KLHL1: variants seen among roughly 807,000 people sequenced by gnomAD.
KLHL1 encodes the protein kelch-like protein 1.
In KLHL1, 47 loss-of-function variants were observed where a neutral mutation model predicts 77.7. That is an observed-to-expected ratio of 0.60 (90% CI 0.48 to 0.77). KLHL1 has a LOEUF of 0.77. KLHL1 is among the 30% of genes least tolerant of loss of function. The pLI is 0.00. For synonymous variants in KLHL1, 360 were observed against 325.2 expected (o/e 1.11, Z -1.15); for missense variants, 925 against 910.8 (o/e 1.02, Z -0.20).
rs143058757 is a variant in KLHL1 at position 69,953,058 on chromosome 13, G to A, written c.817+8250C>T. Among the ~76,000 whole-genome samples, 98 of 151,414 alleles carry A rather than the reference G, an allele frequency of 6.5e-4. 1 individual carries two copies. The highest frequency in any genetic ancestry group is 2.2e-3 in the African/African-American group (93 of 41,466). On this transcript the variant is annotated intron_variant, in intron 3 of 10. Coordinates refer to ENST00000377844, the MANE Select transcript of KLHL1 (RefSeq NM_020866.3). ...GTAAGATAAAGTTGAATACTGTGAG[G>A]CATAGCTAAGATTTGCATGGAAAGT...
At chr13:69,938,379 ATCT>A (rs1359968065) in intron 4 of KLHL1, among the ~76,000 whole-genome samples, 2 of 152,080 alleles carry the variant, frequency 1.3e-5, no homozygotes, top group African/African-American at 2.4e-5. Flanking sequence ...TACCTTAGAA[ATCT>A]TCTATTTTTC....
At chr13:70,051,334 A>T (rs1196071058) in intron 1 of KLHL1, among the ~76,000 whole-genome samples, 1 of 152,044 alleles carries the variant, frequency 6.6e-6, no homozygotes, top group South Asian at 2.1e-4. Context: ...ATGAAAATGA[A>T]TGGCAGATGG....
At chr13:69,793,077 T>G (rs376563134) in intron 7 of KLHL1, among the ~76,000 whole-genome samples, 25 of 152,036 alleles carry the variant, frequency 1.6e-4, no homozygotes, top group East Asian at 9.6e-4. Flanking sequence ...AAACAACCCC[T>G]ACCATATATT....
At chr13:69,866,356 T>A (rs1880364385) in intron 5 of KLHL1, among the ~76,000 whole-genome samples, 1 of 152,058 alleles carries the variant, frequency 6.6e-6, no homozygotes, top group Non-Finnish European at 1.5e-5. Flanking sequence ...TCATAGAAAT[T>A]AAAGAAAGCT....
intron 5 of KLHL1, among the ~76,000 whole-genome samples, chr13:69,843,121 T>A (rs1879331413): frequency 6.6e-6 from 1 of 151,628 alleles, no homozygotes; most frequent in Admixed American, 6.6e-5. Flanking sequence ...AAATTCAATG[T>A]ATGATAGCAG....
At chr13:69,842,104 C>A (rs544796065) in intron 5 of KLHL1, among the ~76,000 whole-genome samples, 64 of 151,790 alleles carry the variant, frequency 4.2e-4, no homozygotes, top group African/African-American at 1.4e-3. Context: ...AGAAGAAAAC[C>A]TAGAGAAAGT....
At chr13:70,082,721 C>A (rs1420494201) in intron 1 of KLHL1, among the ~76,000 whole-genome samples, 1 of 152,002 alleles carries the variant, frequency 6.6e-6, no homozygotes, top group Non-Finnish European at 1.5e-5. Flanking sequence ...ACCCAGGTAC[C>A]CATGCCTATC....
chr13:69,775,919 G>A (rs1034077016), intron 7 of KLHL1, among the ~76,000 whole-genome samples: 4 of 151,906 alleles, frequency 2.6e-5, no homozygotes, highest in Non-Finnish European at 2.9e-5. Context: ...TTGAGAGGCC[G>A]AGGCGGGAGG....
intron 4 of KLHL1, among the ~76,000 whole-genome samples, chr13:69,934,962 G>GTGTATATATATA (rs372646811): frequency 7.7e-6 from 1 of 129,818 alleles, no homozygotes; most frequent in African/African-American, 3.1e-5. Context: ...GTGTGCATGT[G>GTGTATATATATA]TATATATATA....
chr13:70,059,171 T>C (rs1444636994), intron 1 of KLHL1, among the ~76,000 whole-genome samples: 2 of 151,632 alleles, frequency 1.3e-5, no homozygotes, highest in Admixed American at 1.3e-4. Context: ...TTTTTTTTTT[T>C]TTCCTGAGAT....
chr13:69,726,845 C>A (rs1296459421), intron 8 of KLHL1, among the ~76,000 whole-genome samples: 1 of 152,076 alleles, frequency 6.6e-6, no homozygotes, highest in Non-Finnish European at 1.5e-5. Context: ...ATAATGTAAG[C>A]TCTCTGAGGG....
intron 7 of KLHL1, among the ~76,000 whole-genome samples, chr13:69,767,102 T>C (rs925488369): frequency 5.3e-5 from 8 of 152,048 alleles, no homozygotes; most frequent in African/African-American, 1.9e-4. Flanking sequence ...AGATATATCC[T>C]ACTTTAACTT....
intron 1 of KLHL1, among the ~76,000 whole-genome samples, chr13:70,088,030 T>C (rs1160214309): frequency 5.3e-5 from 8 of 152,132 alleles, no homozygotes; most frequent in African/African-American, 1.9e-4. Context: ...CACATGTTTA[T>C]CTATGTAATA....
At chr13:69,800,482 TTA>T (rs984234284) in intron 6 of KLHL1, among the ~76,000 whole-genome samples, 2 of 152,172 alleles carry the variant, frequency 1.3e-5, no homozygotes, top group African/African-American at 4.8e-5. Context: ...AAAGGATATT[TTA>T]TGTTTGTAGA....
rs1875795905 is a variant in KLHL1, at chr13:69,709,805, C to G, written c.2016-2009G>C. ...GAAACAATAAGAACAAATTTGTGATCGTTGTTGAAGCAGGGTAATGATTAT... is the reference window on the plus strand; with the variant it reads ...GAAACAATAAGAACAAATTTGTGATGGTTGTTGAAGCAGGGTAATGATTAT... On this transcript the variant is annotated intron_variant, in intron 9 of 10. Transcript: ENST00000377844. 2.6e-5 allele frequency among the ~76,000 whole-genome samples: 4 copies of G among 151,726 alleles called. No individual in the cohort carries two copies. The South Asian group carries it at 6.2e-4, about 24-fold the overall frequency.
At chr13:70,060,828 A>G (rs560033351) in intron 1 of KLHL1, among the ~76,000 whole-genome samples, 1 of 146,314 alleles carries the variant, frequency 6.8e-6, no homozygotes, top group South Asian at 2.2e-4. Flanking sequence ...CCTGGGCAAC[A>G]AGAGTGAAAC....
At chr13:70,023,984 C>T (rs1051382532) in intron 1 of KLHL1, among the ~76,000 whole-genome samples, 1 of 151,904 alleles carries the variant, frequency 6.6e-6, no homozygotes, top group Middle Eastern at 3.4e-3. Context: ...TTAGCCTCCT[C>T]AAGCATTTTC....
intron 4 of KLHL1, among the ~76,000 whole-genome samples, chr13:69,888,205 G>A (rs1401832969): frequency 6.6e-6 from 1 of 152,012 alleles, no homozygotes; most frequent in Non-Finnish European, 1.5e-5. Flanking sequence ...CATTTATCAA[G>A]GCAGAGCCCT....
At chr13:69,819,843 T>G (rs1384777717) in intron 6 of KLHL1, among the ~76,000 whole-genome samples, 3 of 152,218 alleles carry the variant, frequency 2.0e-5, no homozygotes, top group Non-Finnish European at 4.4e-5. Context: ...TTCTCTGTTT[T>G]GGCTCCAAAG....
Sources: gnomAD v4.1 joint callset for allele counts (sites outside exome capture counted in the v4.1 genomes callset) on GRCh38, gnomAD v4.1.1 for gene constraint, MANE v1.5 for transcripts, NCBI Gene and HGNC (gene_info 2026-07-23, HGNC 2026-07-21) for gene names.